FAM186A: variants seen among roughly 807,000 people sequenced by gnomAD.
The protein encoded by FAM186A is family with sequence similarity 186 member A.
A neutral mutation model predicts 216.8 loss-of-function variants in FAM186A; 163 were observed. The observed-to-expected ratio is 0.75, with a 90% CI of 0.66 to 0.86. The LOEUF is 0.86. FAM186A is among the 40% of genes least tolerant of loss of function. FAM186A has a pLI of 0.00. For synonymous variants in FAM186A, 805 were observed against 1,025.3 expected (o/e 0.79, Z 4.10); for missense variants, 2,184 against 2,746.2 (o/e 0.80, Z 4.58).
At chr12:50,348,076 A>C (rs1942838506) in intron 4 of FAM186A, among the ~76,000 whole-genome samples, 1 of 107,546 alleles carries the variant, frequency 9.3e-6, no homozygotes, top group African/African-American at 3.6e-5. Context: ...ATGGAGTCTC[A>C]CCCCGTTGCC....
intron 5 of FAM186A, among the ~76,000 whole-genome samples, chr12:50,332,297 G>A (rs982398271): frequency 3.3e-5 from 5 of 152,090 alleles, no homozygotes; most frequent in Admixed American, 6.6e-5. Context: ...AACCTTATGC[G>A]GTATGTCTTA....
chr12:50,357,709 A>G (rs1455926267), intron 3 of FAM186A, among the ~76,000 whole-genome samples: 1 of 152,202 alleles, frequency 6.6e-6, no homozygotes, highest in African/African-American at 2.4e-5. Context: ...AGTAACAAAC[A>G]GGGAAAGTTT....
Position 50,363,234 on chromosome 12 carries a change from T to C in FAM186A, c.323A>G (p.Asn108Ser), listed in dbSNP as rs145260331. The change falls in exon 2 of 8, where the codon AAT becomes AGT. Residue 108 changes from asparagine to serine, a missense_variant. Transcript: ENST00000327337. ...GTAAGTAGCCATTTTCTCAAGAAAA[T>C]TGGTTCTCTGTTTTTTCTTATGTTC... ...LTEHKKKQRTNFLEKMATYAK... is the reference protein window; with the variant it reads ...LTEHKKKQRTSFLEKMATYAK... The C allele has an allele frequency of 3.2e-6, 5 of 1,551,452 alleles. No individual in the cohort carries two copies. The highest frequency in any genetic ancestry group is 1.4e-5 in the African/African-American group (1 of 73,038).
At chr12:50,357,739 C>T (rs1487540294) in intron 3 of FAM186A, among the ~76,000 whole-genome samples, 1 of 152,174 alleles carries the variant, frequency 6.6e-6, no homozygotes, top group African/African-American at 2.4e-5. Context: ...GAGTCGCGTC[C>T]ATCCTCAACC....
chr12:50,379,396 T>G (rs1592630529), intron 1 of FAM186A, among the ~76,000 whole-genome samples: 2 of 130,584 alleles, frequency 1.5e-5, no homozygotes, highest in South Asian at 5.0e-4. Flanking sequence ...GCCAAGATAG[T>G]GCCACGGCAC....
rs1207973965 is a variant in FAM186A at position 50,350,723 on chromosome 12, G to A, written c.6109C>T (p.Leu2037Phe). 7.1e-6 allele frequency: 11 copies of A among 1,551,502 alleles called. No homozygotes were observed. The highest frequency in any genetic ancestry group is 9.6e-6 in the Non-Finnish European group (11 of 1,146,984). ...YQTPYTDERALLTLMKPTTSP... is the reference protein window; with the variant it reads ...YQTPYTDERAFLTLMKPTTSP... ...GTTGTTGGCTTCATGAGAGTGAGAA[G>A]GGCCCTTTCATCAGTGTAAGGGGTT... The change falls in exon 4 of 8, where the codon CTT becomes TTT. Residue 2037 changes from leucine (L) to phenylalanine (F), a missense_variant. Around this residue, in one of 7 missense-constraint regions of FAM186A, gnomAD observed 721 missense variants for 816.4 expected, o/e 0.88. Coordinates refer to ENST00000327337, the MANE Select transcript of FAM186A (RefSeq NM_001145475.3).
intron 4 of FAM186A, among the ~76,000 whole-genome samples, chr12:50,344,026 A>ACAGGATAAGCCACCACAC (rs1192536399): frequency 6.9e-6 from 1 of 145,868 alleles, no homozygotes; most frequent in Non-Finnish European, 1.5e-5. Context: ...TACTAGGATT[A>ACAGGATAAGCCACCACAC]CAGGATAAGC....
In FAM186A at chr12:50,353,409, C is replaced by T. The variant is rs1316231305; in HGVS notation, c.3423G>A (p.Gln1141=). Residue 1141 remains glutamine (Q), a synonymous_variant, in exon 4 of 8, where the codon CAG becomes CAA. Coordinates refer to ENST00000327337, the MANE Select transcript of FAM186A (RefSeq NM_001145475.3). The part of the protein sequence containing the change: ...LGIPLTPQQT[Q]VQGITLTPQQ... The stretch of plus-strand genomic sequence containing the variant: ...GAGGGGTGAGAGTGATCCCTTGAAC[C>T]TGGGTCTGCTGAGGGGTGAGAGGGA... The T allele has an allele frequency of 3.3e-6, 5 of 1,531,252 alleles. No homozygotes were observed. The highest frequency in any genetic ancestry group is 5.0e-5 in the East Asian group (2 of 39,668). 94.9% of individuals were successfully genotyped at this position (1,531,252 alleles called of 1,614,324 possible).
intron 4 of FAM186A, among the ~76,000 whole-genome samples, chr12:50,347,088 A>C (rs990769789): frequency 2.0e-5 from 3 of 151,700 alleles, no homozygotes; most frequent in African/African-American, 7.3e-5. Flanking sequence ...TTTTAACAAA[A>C]CTCCCAAGCC....
chr12:50,367,193 T>C (rs1350983353), intron 1 of FAM186A, among the ~76,000 whole-genome samples: 1 of 151,962 alleles, frequency 6.6e-6, no homozygotes, highest in African/African-American at 2.4e-5. Flanking sequence ...CTATCTAACC[T>C]GGTATTGGAA....
rs1943416242 is a variant in FAM186A at position 50,396,535 on chromosome 12, CA to C, written c.-52del. On this transcript the variant is annotated 5_prime_UTR_variant, in exon 1 of 8. An upstream open reading frame in the 5' UTR gains an earlier in-frame stop. Coordinates refer to ENST00000327337, the MANE Select transcript of FAM186A (RefSeq NM_001145475.3). The stretch of plus-strand genomic sequence containing the variant: ...TATTTCTTCTTTTTCACAGAATCTA[CA>C]AAAATGCTAATAAAGATATCCAGTA... The C allele has an allele frequency of 9.4e-6, 14 of 1,489,872 alleles. No individual in the cohort carries two copies. The East Asian group carries it at 3.4e-4, about 37-fold the overall frequency. 92.3% of individuals were successfully genotyped at this position (1,489,872 alleles called of 1,614,324 possible). A position where few individuals can be genotyped will look rare whatever the true frequency, so the allele number is the denominator to read the frequency against.
intron 1 of FAM186A, among the ~76,000 whole-genome samples, chr12:50,375,453 G>A (rs1016548062): frequency 5.9e-5 from 9 of 151,388 alleles, no homozygotes; most frequent in South Asian, 2.1e-4. Flanking sequence ...GGAGGATGAG[G>A]CAAAAGAATT....
chr12:50,327,497 T>A, intron 7 of FAM186A, 93 bp from the exon 8 acceptor site: 1 of 801,442 alleles, frequency 1.2e-6, no homozygotes, highest in Non-Finnish European at 2.0e-6. Context: ...TAAAAGTGCC[T>A]CCAGAACTCA....
At chr12:50,333,029 AAAAT>A (rs940247015) in intron 5 of FAM186A, among the ~76,000 whole-genome samples, 3 of 152,064 alleles carry the variant, frequency 2.0e-5, no homozygotes, top group Admixed American at 6.6e-5. Context: ...CCTCATCTCA[AAAAT>A]AAATAAATAA....
intron 1 of FAM186A, among the ~76,000 whole-genome samples, chr12:50,394,007 CT>C (rs1335387952): frequency 2.0e-5 from 3 of 152,058 alleles, no homozygotes; most frequent in African/African-American, 7.2e-5. Context: ...CAACCTCTGC[CT>C]TTCGGGCTCA....
chr12:50,394,234 T>TTTTTTG (rs1230385864), intron 1 of FAM186A, among the ~76,000 whole-genome samples: 2 of 152,096 alleles, frequency 1.3e-5, no homozygotes, highest in African/African-American at 4.8e-5. Context: ...AGCACTCTGT[T>TTTTTTG]TTTTTGTTTT....
At chr12:50,381,525 C>G (rs935420019) in intron 1 of FAM186A, among the ~76,000 whole-genome samples, 1 of 151,186 alleles carries the variant, frequency 6.6e-6, no homozygotes, top group Non-Finnish European at 1.5e-5. Context: ...GCCTGGACAA[C>G]AGAGCAAGAT....
rs1305474187 is a variant in FAM186A, at chr12:50,356,191, G to A, written c.641C>T (p.Thr214Ile). Reference protein sequence around the residue: ...WKERVIKRPSTARALRPDQMI... With the variant: ...WKERVIKRPSIARALRPDQMI... ...CTGATCTGGTCTTAAAGCACGGGCT[G>A]TTGAAGGTCGTTTTATAACTCTTTC... The change falls in exon 4 of 8, where the codon ACA (threonine) becomes ATA (isoleucine). Residue 214 changes from threonine (T) to isoleucine (I), a missense_variant. By Grantham distance (89) the Thr-to-Ile change is moderately conservative. Around this residue, in one of 7 missense-constraint regions of FAM186A, gnomAD observed 1,132 missense variants for 1,263.4 expected, o/e 0.90. Coordinates refer to ENST00000327337, the MANE Select transcript of FAM186A (RefSeq NM_001145475.3). 6.4e-7 allele frequency: 1 copy of A among 1,551,390 alleles called. No homozygotes were observed. The highest frequency in any genetic ancestry group is 2.0e-5 in the Admixed American group (1 of 50,972).
chr12:50,344,166 A>T (rs917430112), intron 4 of FAM186A, among the ~76,000 whole-genome samples: 3 of 151,620 alleles, frequency 2.0e-5, no homozygotes, highest in Non-Finnish European at 2.9e-5. Context: ...GGTTTGTTAC[A>T]TGGTTATATT....
Sources: gnomAD v4.1 joint callset for allele counts (sites outside exome capture counted in the v4.1 genomes callset) on GRCh38, gnomAD v4.1.1 for gene constraint, gnomAD v4.1.1 regional missense constraint, MANE v1.5 for transcripts, NCBI Gene and HGNC (gene_info 2026-07-23, HGNC 2026-07-21) for gene names.